The following CFAP70 variants were observed in gnomAD, a reference collection of about 807,000 sequenced individuals.
CFAP70 encodes the protein cilia and flagella associated protein 70.
A neutral mutation model predicts 137.6 loss-of-function variants in CFAP70; 81 were observed. That is an observed-to-expected ratio of 0.59 (90% CI 0.49 to 0.71). The LOEUF (loss-of-function observed/expected upper bound fraction) is 0.71. CFAP70 is among the 30% of genes least tolerant of loss of function. CFAP70 has a pLI of 0.00. For missense variants in CFAP70, 976 were observed against 1,226.7 expected, an observed-to-expected ratio of 0.80 and a Z score of 3.05; for synonymous variants, 382 against 423.6, an observed-to-expected ratio of 0.90 and a Z score of 1.20.
rs141945485 is a variant in CFAP70, at chr10:73,299,433, A to T, written c.1317+172T>A. The stretch of plus-strand genomic sequence containing the variant: ...TGAGAGACCACCAGCCAAAGATTAA[A>T]CACTGTATGCTATATGCCATTGATC... On this transcript the variant is annotated intron_variant, in intron 13 of 26. Coordinates refer to ENST00000310715, the Ensembl canonical transcript of CFAP70. Among the ~76,000 whole-genome samples the T allele has an allele frequency of 1.2e-3, 177 of 152,322 alleles. 2 individuals are homozygous for T. Among genetic ancestry groups the T allele is most frequent in the Middle Eastern group, 6.8e-3 (2 of 294 alleles).
exon 18 of CFAP70, chr10:73,291,725 C>T (rs922646098): frequency 1.2e-6 from 2 of 1,614,030 alleles, no homozygotes; most frequent in Non-Finnish European, 1.7e-6. Context: ...AGTTCTCCAA[C>T]AGGACAGCCA....
intron 6 of CFAP70, among the ~76,000 whole-genome samples, chr10:73,339,818 G>A (rs936558635): frequency 6.9e-6 from 1 of 145,720 alleles, no homozygotes; most frequent in African/African-American, 2.7e-5. Flanking sequence ...AGAGCCCCAG[G>A]TGTCAGACCT....
At chr10:73,290,503 T>C (rs1465272800) in intron 19 of CFAP70, among the ~76,000 whole-genome samples, 4 of 152,206 alleles carry the variant, frequency 2.6e-5, no homozygotes, top group Admixed American at 2.0e-4. Flanking sequence ...TGTGTACATA[T>C]GTCAAAATTT....
intron 6 of CFAP70, 23 bp from the exon 8 acceptor site, chr10:73,335,547 T>C (rs1244827366): frequency 1.1e-5 from 17 of 1,562,518 alleles, no homozygotes; most frequent in Non-Finnish European, 1.2e-5. Flanking sequence ...AATACTTCTG[T>C]TCTCGGTATG....
At chr10:73,352,907 T>C (rs2054387388) in intron 3 of CFAP70, among the ~76,000 whole-genome samples, 1 of 152,222 alleles carries the variant, frequency 6.6e-6, no homozygotes, top group South Asian at 2.1e-4. Flanking sequence ...CATAAGTATG[T>C]TTTTAAATTT....
At chr10:73,311,899 T>C in exon 11 of CFAP70, 2 of 1,613,850 alleles carry the variant, frequency 1.2e-6, no homozygotes, top group South Asian at 1.1e-5. Flanking sequence ...CTCTGAGATT[T>C]TATACTAGGT....
chr10:73,345,989 C>T (rs938773035), intron 4 of CFAP70, among the ~76,000 whole-genome samples: 5 of 151,532 alleles, frequency 3.3e-5, no homozygotes, highest in African/African-American at 4.8e-5. Context: ...AACCCCGCCT[C>T]CTGGGTTCAA....
intron 12 of CFAP70, among the ~76,000 whole-genome samples, chr10:73,303,230 T>C (rs57720729): frequency 0.069 from 10,468 of 151,438 alleles, 611 homozygotes; most frequent in East Asian, 0.3. Flanking sequence ...CATTCTTTTT[T>C]GTTTTGAGAT....
At chr10:73,322,919 A>C (rs932597574) in intron 9 of CFAP70, 44 bp downstream of exon 10, 2 of 1,533,684 alleles carry the variant, frequency 1.3e-6, no homozygotes, top group Admixed American at 2.0e-5. Context: ...ACAGATATAT[A>C]AAGGATAAAT....
At chr10:73,327,383 A>G (rs1370428682) in intron 8 of CFAP70, among the ~76,000 whole-genome samples, 1 of 149,036 alleles carries the variant, frequency 6.7e-6, no homozygotes, top group African/African-American at 2.5e-5. Context: ...CCAGTATCAT[A>G]CTGAATGGGC....
At chr10:73,322,567 A>T (rs1038261220) in intron 9 of CFAP70, among the ~76,000 whole-genome samples, 1 of 106,088 alleles carries the variant, frequency 9.4e-6, no homozygotes, top group Non-Finnish European at 1.9e-5. Context: ...CCACATCTCT[A>T]AAAAAAAAAA....
chr10:73,361,558 A>G (rs190969383), upstream of CFAP70, among the ~76,000 whole-genome samples: 1 of 152,248 alleles, frequency 6.6e-6, no homozygotes, highest in East Asian at 1.9e-4. Context: ...GGAAAATATA[A>G]TAGTACTGGA....
chr10:73,316,254 A>AT (rs1322650069), intron 9 of CFAP70, among the ~76,000 whole-genome samples: 1 of 151,576 alleles, frequency 6.6e-6, no homozygotes, highest in African/African-American at 2.4e-5. Flanking sequence ...TTGAATCTTG[A>AT]TTTTTTTGTA....
chr10:73,323,184 G>C, intron 8 of CFAP70, 87 bp from the exon 10 acceptor site: 1 of 1,297,476 alleles, frequency 7.7e-7, no homozygotes, highest in Non-Finnish European at 1.0e-6. Flanking sequence ...CAAAGGCCTG[G>C]TTTTAGAAAC....
intron 3 of CFAP70, among the ~76,000 whole-genome samples, chr10:73,352,350 G>T (rs747268590): frequency 4.6e-5 from 7 of 152,236 alleles, no homozygotes; most frequent in South Asian, 4.2e-4. Context: ...GAGGGTGGGG[G>T]TTTTTTTCCT....
At chr10:73,292,770 A>G (rs1007423389) in intron 16 of CFAP70, among the ~76,000 whole-genome samples, 23 of 152,034 alleles carry the variant, frequency 1.5e-4, no homozygotes, top group Non-Finnish European at 2.9e-5. Flanking sequence ...CCTAATCTGT[A>G]CTTTTCCTTT....
intron 12 of CFAP70, among the ~76,000 whole-genome samples, chr10:73,305,839 C>A (rs767930061): frequency 6.6e-6 from 1 of 152,064 alleles, no homozygotes; most frequent in Non-Finnish European, 1.5e-5. Context: ...TAGAAATTCT[C>A]CCTAAAGAAG....
chr10:73,310,151 T>C lies in CFAP70; in HGVS notation c.1256+7A>G, dbSNP rs1302021448. 1.3e-6 allele frequency: 2 copies of C among 1,598,870 alleles called. No homozygotes were observed. The highest frequency in any genetic ancestry group is 1.7e-5 in the Admixed American group (1 of 57,586). On this transcript the variant is annotated splice_region_variant and intron_variant, in intron 12 of 26. Transcript: ENST00000310715. ...ACAAAACTAGTATAAGCACCATAGC[T>C]ACAAACCTTCTGGCTAGCTCCTCTG...
At position 73,306,819 on chromosome 10, in the gene CFAP70, G is replaced by A. The variant is rs2049421173; in HGVS notation, c.1256+3339C>T. 3.3e-5 allele frequency among the ~76,000 whole-genome samples: 5 copies of A among 152,262 alleles called. No individual in the cohort carries two copies. The South Asian group carries it at 1.0e-3, about 32-fold the overall frequency. ...ACAAAATTAAGACAGTTTGATAACA[G>A]GACCTACCTCATAAGGAACGCTAAA... On this transcript the variant is annotated intron_variant, in intron 12 of 26. Coordinates refer to ENST00000310715, the Ensembl canonical transcript of CFAP70.
Sources: gnomAD v4.1 joint callset for allele counts (sites outside exome capture counted in the v4.1 genomes callset) on GRCh38, gnomAD v4.1.1 for gene constraint, MANE v1.5 for transcripts, NCBI Gene and HGNC (gene_info 2026-07-23, HGNC 2026-07-21) for gene names.